The following BANK1 variants were observed in gnomAD, a reference collection of about 807,000 sequenced individuals.
BANK1 encodes B-cell scaffold protein with ankyrin repeats.
BANK1 carries 95 observed loss-of-function variants against 94.5 expected under a neutral mutation model. That is an observed-to-expected ratio of 1.00 (90% CI 0.85 to 1.19). The LOEUF is 1.19. Ranked by LOEUF, BANK1 falls within the 50% of genes most tolerant of loss-of-function variation. BANK1 has a pLI of 0.00. For synonymous variants in BANK1, 334 were observed against 308.4 expected, an observed-to-expected ratio of 1.08 and a Z score of -0.87; for missense variants, 987 against 932.2, an observed-to-expected ratio of 1.06 and a Z score of -0.77.
At chr4:102,029,149 CT>C (rs1309449435) in intron 9 of BANK1, among the ~76,000 whole-genome samples, 1 of 152,146 alleles carries the variant, frequency 6.6e-6, no homozygotes, top group East Asian at 1.9e-4. Flanking sequence ...TTACCTCAGC[CT>C]CCCAAAGCAT....
At chr4:101,978,813 C>T (rs985157456) in intron 7 of BANK1, among the ~76,000 whole-genome samples, 1 of 151,872 alleles carries the variant, frequency 6.6e-6, no homozygotes, top group African/African-American at 2.4e-5. Context: ...CAATATATTC[C>T]GTAGAAACAC....
chr4:101,900,432 C>G (rs982329530), intron 6 of BANK1, among the ~76,000 whole-genome samples: 1 of 152,090 alleles, frequency 6.6e-6, no homozygotes, highest in Non-Finnish European at 1.5e-5. Flanking sequence ...CTTGCTGTTA[C>G]GCAGAGAATA....
At chr4:102,050,298 GTCTT>G (rs1376727539) in intron 11 of BANK1, among the ~76,000 whole-genome samples, 1 of 152,102 alleles carries the variant, frequency 6.6e-6, no homozygotes, top group Admixed American at 6.6e-5. Context: ...ACAAAACCAT[GTCTT>G]TGAAGGGTAA....
chr4:101,821,665 T>C lies in BANK1; in HGVS notation c.71-8143T>C, dbSNP rs75801633. ...TGGTTTGGGTTTTTTTGTTTGTTTG[T>C]TTGTTTGCTTGATTTTTTGAATCGA... On this transcript the variant is annotated intron_variant, in intron 1 of 16. Coordinates refer to ENST00000322953, the MANE Select transcript of BANK1 (RefSeq NM_017935.5). 5.3e-3 allele frequency among the ~76,000 whole-genome samples: 809 copies of C among 152,304 alleles called. 13 individuals carry two copies. The East Asian group carries it at 0.062, about 12-fold the overall frequency.
At chr4:101,849,630 TTATG>T (rs1263816602) in intron 2 of BANK1, among the ~76,000 whole-genome samples, 4 of 152,082 alleles carry the variant, frequency 2.6e-5, no homozygotes, top group Admixed American at 6.5e-5. Context: ...ATAAAAAAAT[TTATG>T]TGTGTGTATA....
intron 13 of BANK1, among the ~76,000 whole-genome samples, chr4:102,069,090 G>A (rs574875191): frequency 6.6e-6 from 1 of 152,134 alleles, no homozygotes; most frequent in African/African-American, 2.4e-5. Context: ...ATGTATTATG[G>A]ATAATGAGAG....
chr4:101,867,536 A>C (rs1044317195), intron 4 of BANK1, among the ~76,000 whole-genome samples: 3 of 151,958 alleles, frequency 2.0e-5, no homozygotes, highest in Non-Finnish European at 2.9e-5. Flanking sequence ...TTTTTAATTG[A>C]TCTAAAAGAT....
chr4:102,031,028 A>G (rs879928434), intron 10 of BANK1, among the ~76,000 whole-genome samples: 4 of 152,182 alleles, frequency 2.6e-5, no homozygotes, highest in African/African-American at 4.8e-5. Flanking sequence ...GTCTTCCACA[A>G]TGATTGAACT....
intron 11 of BANK1, among the ~76,000 whole-genome samples, chr4:102,056,694 A>C (rs1728238165): frequency 6.6e-6 from 1 of 152,122 alleles, no homozygotes; most frequent in Admixed American, 6.6e-5. Context: ...TCATGTTCTA[A>C]AATCACAATC....
chr4:102,002,896 C>T (rs1331972019), intron 7 of BANK1, among the ~76,000 whole-genome samples: 1 of 152,178 alleles, frequency 6.6e-6, no homozygotes, highest in Non-Finnish European at 1.5e-5. Flanking sequence ...TGTCCAGCTT[C>T]CCAAGTAGCT....
At chr4:101,866,528 C>T (rs1728071024) in intron 4 of BANK1, among the ~76,000 whole-genome samples, 1 of 151,952 alleles carries the variant, frequency 6.6e-6, no homozygotes, top group Non-Finnish European at 1.5e-5. Context: ...AATATTGACA[C>T]CTATTCATAT....
chr4:101,921,489 C>T (rs1171593428), intron 7 of BANK1, among the ~76,000 whole-genome samples: 1 of 151,874 alleles, frequency 6.6e-6, no homozygotes, highest in African/African-American at 2.4e-5. Flanking sequence ...GATTGAGGTG[C>T]TTTGAGATTT....
intron 2 of BANK1, 34 bp downstream of exon 2, chr4:101,830,240 A>T (rs2148863435): frequency 3.7e-6 from 5 of 1,355,596 alleles, no homozygotes; most frequent in Non-Finnish European, 4.7e-6. Flanking sequence ...TTTTATTTTT[A>T]TTTGTTTTTT....
At chr4:101,845,592 A>G (rs747402868) in intron 2 of BANK1, among the ~76,000 whole-genome samples, 2 of 152,212 alleles carry the variant, frequency 1.3e-5, no homozygotes, top group Non-Finnish European at 2.9e-5. Flanking sequence ...ACACAATAAA[A>G]ATAATCATTT....
intron 11 of BANK1, among the ~76,000 whole-genome samples, chr4:102,045,914 A>T (rs1727862049): frequency 6.6e-6 from 1 of 151,486 alleles, no homozygotes; most frequent in African/African-American, 2.4e-5. Context: ...GCTACCAATG[A>T]CTTTCTTCAC....
At position 101,885,020 on chromosome 4, in the gene BANK1, C is replaced by T. The variant is rs144670639; in HGVS notation, c.904-10285C>T. Among the ~76,000 whole-genome samples, 571 of 152,248 alleles carry T rather than the reference C, an allele frequency of 3.8e-3. 4 individuals carry two copies. Among genetic ancestry groups the T allele is most frequent in the African/African-American group, 0.013 (550 of 41,554 alleles). ...GCGCCCTCTCCCCTTCTGGTTGAAG[C>T]GATTCTCCTGCCTCAGTCTCCCGAG... On this transcript the variant is annotated intron_variant, in intron 5 of 16. Coordinates refer to ENST00000322953, the MANE Select transcript of BANK1 (RefSeq NM_017935.5).
chr4:102,021,523 A>T lies in BANK1; in HGVS notation c.1216A>T (p.Ile406Phe). The T allele has an allele frequency of 7.0e-7, 1 of 1,437,334 alleles. No individual in the cohort carries two copies. The highest frequency in any genetic ancestry group is 1.4e-5 in the South Asian group (1 of 71,042). 89.0% of individuals were successfully genotyped at this position (1,437,334 alleles called of 1,614,324 possible). The change falls in exon 8 of 17, where the codon ATT becomes TTT. Residue 406 changes from isoleucine (I) to phenylalanine (F), a missense_variant. Coordinates refer to ENST00000322953, the MANE Select transcript of BANK1 (RefSeq NM_017935.5). Reference protein sequence around the residue: ...KIFEDFSIQEIDINNEQENDY... With the variant: ...KIFEDFSIQEFDINNEQENDY... ...ATTACATTTTTTTCAGATCCAAGAA[A>T]TTGACATAAATAATGAGCAAGAAAA...
intron 5 of BANK1, among the ~76,000 whole-genome samples, chr4:101,884,997 G>T (rs1414914133): frequency 6.6e-6 from 1 of 151,948 alleles, no homozygotes; most frequent in East Asian, 1.9e-4. Flanking sequence ...CAACCTCCGC[G>T]CCCTCTCCCC....
chr4:101,862,442 C>A (rs1465328920), intron 3 of BANK1, 84 bp from the exon 4 acceptor site: 2 of 1,148,490 alleles, frequency 1.7e-6, no homozygotes, highest in Admixed American at 2.7e-5. Flanking sequence ...AGTGTATTAC[C>A]TTAATTATAA....
Sources: allele counts gnomAD v4.1 joint callset (sites outside exome capture counted in the v4.1 genomes callset), GRCh38; gene constraint gnomAD v4.1.1; transcripts MANE v1.5; gene names NCBI Gene and HGNC (gene_info 2026-07-23, HGNC 2026-07-21).